The following FRMD4A variants were observed in gnomAD, a reference collection of about 807,000 sequenced individuals.
FRMD4A encodes FERM domain-containing protein 4A.
FRMD4A carries 29 observed loss-of-function variants against 129.1 expected under a neutral mutation model. That is an observed-to-expected ratio of 0.22 (90% CI 0.17 to 0.31). The LOEUF (loss-of-function observed/expected upper bound fraction) is 0.31. Among genes scored for constraint, FRMD4A ranks in the 10% least tolerant of loss-of-function variants. FRMD4A has a pLI of 1.00. For missense variants in FRMD4A, 1,272 were observed against 1,375.8 expected (o/e 0.92, Z 1.19); for synonymous variants, 634 against 571.6 (o/e 1.11, Z -1.56).
chr10:14,160,465 G>T (rs1006891051), intron 2 of FRMD4A, among the ~76,000 whole-genome samples: 2 of 152,144 alleles, frequency 1.3e-5, no homozygotes, highest in African/African-American at 2.4e-5. Context: ...AAAAGCTACT[G>T]CCCAGAAAAA....
intron 2 of FRMD4A, among the ~76,000 whole-genome samples, chr10:14,132,147 G>A (rs11258883): frequency 0.26 from 39,530 of 152,006 alleles, 6,178 homozygotes; most frequent in East Asian, 0.51. Flanking sequence ...TTAGCTGGGC[G>A]TGGTGGCACT....
At chr10:13,693,845 T>C (rs1483323014) in intron 15 of FRMD4A, 53 bp downstream of exon 15, 4 of 1,583,524 alleles carry the variant, frequency 2.5e-6, no homozygotes, top group Non-Finnish European at 3.5e-6. Flanking sequence ...CTGGGTCCCC[T>C]CTGGGGTCCC....
chr10:13,859,403 A>G (rs994948350), intron 2 of FRMD4A, among the ~76,000 whole-genome samples: 12 of 152,162 alleles, frequency 7.9e-5, no homozygotes, highest in Non-Finnish European at 1.5e-4. Flanking sequence ...GAAAATATCA[A>G]TTGAGCACTT....
At chr10:13,847,255 C>G (rs1168474418) in intron 3 of FRMD4A, among the ~76,000 whole-genome samples, 1 of 152,158 alleles carries the variant, frequency 6.6e-6, no homozygotes, top group East Asian at 1.9e-4. Context: ...AGGGGTGGGA[C>G]AGGGGCTCTG....
intron 2 of FRMD4A, among the ~76,000 whole-genome samples, chr10:13,978,633 T>C (rs1228660294): frequency 6.6e-6 from 1 of 152,130 alleles, no homozygotes. Flanking sequence ...ACACATTTAA[T>C]CCCATATTTG....
At chr10:13,859,003 T>C in intron 2 of FRMD4A, 91 bp from the exon 3 acceptor site, 1 of 800,052 alleles carries the variant, frequency 1.2e-6, no homozygotes, top group South Asian at 1.4e-5. Flanking sequence ...CCAGGCATAT[T>C]CCTCTGGGCA....
intron 15 of FRMD4A, among the ~76,000 whole-genome samples, chr10:13,677,268 GTCAC>G: frequency 6.6e-6 from 1 of 152,088 alleles, no homozygotes; most frequent in African/African-American, 2.4e-5. Flanking sequence ...GAATATATCT[GTCAC>G]CGCAGAAACA....
chr10:14,125,369 C>G (rs1173894538), intron 2 of FRMD4A, among the ~76,000 whole-genome samples: 1 of 152,162 alleles, frequency 6.6e-6, no homozygotes, highest in Non-Finnish European at 1.5e-5. Flanking sequence ...TCCCTGCCCT[C>G]CTGAGTAGTA....
intron 5 of FRMD4A, among the ~76,000 whole-genome samples, chr10:13,791,585 T>C (rs546552436): frequency 1.3e-5 from 2 of 152,246 alleles, no homozygotes; most frequent in South Asian, 4.2e-4. Context: ...GCAGGGCTGA[T>C]AGGATCTCAG....
intron 14 of FRMD4A, among the ~76,000 whole-genome samples, chr10:13,697,576 G>A (rs893585431): frequency 6.6e-6 from 1 of 152,136 alleles, no homozygotes; most frequent in African/African-American, 2.4e-5. Context: ...TGACCTTAAG[G>A]AGTCCCCAGA....
chr10:13,845,798 C>T (rs940414917), intron 3 of FRMD4A, among the ~76,000 whole-genome samples: 2 of 152,174 alleles, frequency 1.3e-5, no homozygotes, highest in Non-Finnish European at 2.9e-5. Context: ...TCTCCGTTTA[C>T]AGATGAAGAA....
chr10:13,748,933 CTTT>C (rs1007917315), intron 8 of FRMD4A, among the ~76,000 whole-genome samples: 2 of 152,208 alleles, frequency 1.3e-5, no homozygotes, highest in African/African-American at 4.8e-5. Context: ...ACCAGAAATT[CTTT>C]TCCCTGTAGA....
At chr10:13,950,182 A>G (rs1276615592) in intron 2 of FRMD4A, among the ~76,000 whole-genome samples, 1 of 152,250 alleles carries the variant, frequency 6.6e-6, no homozygotes, top group Non-Finnish European at 1.5e-5. Flanking sequence ...GTCCCAGATG[A>G]GTGGCTTTAG....
At chr10:14,243,281 T>C (rs1283422046) in intron 2 of FRMD4A, among the ~76,000 whole-genome samples, 1 of 152,154 alleles carries the variant, frequency 6.6e-6, no homozygotes, top group African/African-American at 2.4e-5. Context: ...GATTGGATCA[T>C]GGGGGCGGTT....
intron 2 of FRMD4A, among the ~76,000 whole-genome samples, chr10:14,191,635 A>G (rs147463688): frequency 1.3e-5 from 2 of 152,368 alleles, no homozygotes; most frequent in East Asian, 3.9e-4. Flanking sequence ...ATGGCATCAT[A>G]AAAGCGATAT....
At chr10:13,808,312 T>A (rs1481192907) in intron 4 of FRMD4A, among the ~76,000 whole-genome samples, 1 of 152,198 alleles carries the variant, frequency 6.6e-6, no homozygotes, top group East Asian at 1.9e-4. Context: ...GTAGCACCTG[T>A]ATAAAGCACA....
intron 5 of FRMD4A, among the ~76,000 whole-genome samples, chr10:13,795,313 G>A (rs1004902652): frequency 2.0e-5 from 3 of 152,190 alleles, no homozygotes; most frequent in Admixed American, 1.3e-4. Context: ...ATCCCCATCA[G>A]TAATGGAAAT....
chr10:13,777,918 T>C (rs566482606), intron 6 of FRMD4A, among the ~76,000 whole-genome samples: 2 of 149,974 alleles, frequency 1.3e-5, no homozygotes, highest in South Asian at 2.1e-4. Flanking sequence ...TTCTCCTGAG[T>C]GAGCCTCCCG....
intron 15 of FRMD4A, among the ~76,000 whole-genome samples, chr10:13,681,802 G>A (rs116139241): frequency 0.023 from 3,460 of 152,208 alleles, 125 homozygotes; most frequent in African/African-American, 0.076. Context: ...TTCCTCCCCT[G>A]TAAAATGGGA....
Sources: allele counts gnomAD v4.1 joint callset (sites outside exome capture counted in the v4.1 genomes callset), GRCh38; gene constraint gnomAD v4.1.1; transcripts MANE v1.5; gene names NCBI Gene and HGNC (gene_info 2026-07-23, HGNC 2026-07-21).